IL1RAPL2: variants seen among roughly 807,000 people sequenced by gnomAD.
The protein encoded by IL1RAPL2 is X-linked interleukin-1 receptor accessory protein-like 2.
Under a neutral mutation model 44.1 loss-of-function variants are expected in IL1RAPL2, and 3 were observed. That is an observed-to-expected ratio of 0.07 (90% CI 0.03 to 0.18). IL1RAPL2 has a LOEUF of 0.18. IL1RAPL2 is among the 10% of genes least tolerant of loss of function. The probability of loss-of-function intolerance (pLI) is 1.00; values close to 1 mark genes in which losing one functional copy is unlikely to be tolerated. For missense variants in IL1RAPL2, 391 were observed against 496.4 expected (o/e 0.79, Z 2.02); for synonymous variants, 181 against 178.8 (o/e 1.01, Z -0.10).
intron 3 of IL1RAPL2, among the ~76,000 whole-genome samples, chrX:105,218,701 C>G (rs1279884530): frequency 5.5e-5 from 6 of 109,479 alleles, no homozygotes; most frequent in Non-Finnish European, 1.1e-4. Context: ...ATGTGTCTCT[C>G]TCTCCCCACC....
chrX:104,890,003 A>T (rs1201635915), intron 2 of IL1RAPL2, among the ~76,000 whole-genome samples: 8 of 110,493 alleles, frequency 7.2e-5, no homozygotes, highest in African/African-American at 2.6e-4. Context: ...CCTGTGTCCA[A>T]GTGTTCTCAA....
chrX:105,590,269 T>C (rs1337163894), intron 6 of IL1RAPL2, among the ~76,000 whole-genome samples: 1 of 111,621 alleles, frequency 9.0e-6, no homozygotes, highest in Non-Finnish European at 1.9e-5. Flanking sequence ...AAATCTAGGA[T>C]ATTTTGGGCA....
intron 6 of IL1RAPL2, among the ~76,000 whole-genome samples, chrX:105,583,826 A>C (rs892316006): frequency 8.9e-6 from 1 of 111,964 alleles, no homozygotes; most frequent in Non-Finnish European, 1.9e-5. Context: ...TCAAGATGGA[A>C]GCTTAAATCA....
intron 1 of IL1RAPL2, among the ~76,000 whole-genome samples, chrX:104,640,085 T>A: frequency 9.0e-6 from 1 of 111,432 alleles, no homozygotes; most frequent in South Asian, 3.8e-4. Context: ...TCTATCTTTC[T>A]TTTTTTTCAC....
intron 2 of IL1RAPL2, among the ~76,000 whole-genome samples, chrX:105,014,218 A>G (rs911208723): frequency 8.9e-6 from 1 of 111,957 alleles, no homozygotes; most frequent in African/African-American, 3.2e-5. Context: ...GCACATATTT[A>G]TGGAGTACAT....
chrX:104,812,280 A>G (rs1001734108), intron 2 of IL1RAPL2, among the ~76,000 whole-genome samples: 7 of 111,499 alleles, frequency 6.3e-5, no homozygotes, highest in African/African-American at 1.6e-4. Flanking sequence ...GATAGTGTCT[A>G]TATTTCTGTC....
chrX:105,065,294 T>TG (rs1405836800), intron 2 of IL1RAPL2, among the ~76,000 whole-genome samples: 1 of 111,875 alleles, frequency 8.9e-6, no homozygotes, highest in Non-Finnish European at 1.9e-5. Context: ...TCTTCTTGGA[T>TG]GGGTTTTGCT....
intron 1 of IL1RAPL2, among the ~76,000 whole-genome samples, chrX:104,637,579 T>C (rs368370428): frequency 1.2e-4 from 13 of 111,269 alleles, no homozygotes; most frequent in African/African-American, 4.2e-4. Context: ...ATTGAGATGA[T>C]TGTATGTTTT....
chrX:105,192,967 C>T (rs2033644756), intron 2 of IL1RAPL2, among the ~76,000 whole-genome samples: 1 of 111,620 alleles, frequency 9.0e-6, no homozygotes, highest in African/African-American at 3.3e-5. Flanking sequence ...TATCAGTGTA[C>T]GCTCCAGGTC....
chrX:105,543,671 CAT>C lies in IL1RAPL2; in HGVS notation c.772+59285_772+59286del, dbSNP rs780101459. 4.6e-3 allele frequency among the ~76,000 whole-genome samples: 517 copies of C among 112,256 alleles called. 2 individuals are homozygous for C. Among genetic ancestry groups the C allele is most frequent in the Non-Finnish European group, 8.3e-3 (440 of 53,232 alleles). ...AAAGAATGGGAGATTAACTTTTACA[CAT>C]GTCTATAGTTCATTTTGAGTGAATT... is the stretch of plus-strand genomic sequence containing the variant. On this transcript the variant is annotated intron_variant, in intron 6 of 10. Transcript: ENST00000372582.
At chrX:105,281,818 G>A (rs2034535071) in intron 5 of IL1RAPL2, among the ~76,000 whole-genome samples, 3 of 111,115 alleles carry the variant, frequency 2.7e-5, no homozygotes, top group African/African-American at 9.8e-5. Flanking sequence ...CCATTGTTAA[G>A]CAATTCATGA....
chrX:105,223,085 G>T (rs1246835431), intron 3 of IL1RAPL2, among the ~76,000 whole-genome samples: 1 of 109,456 alleles, frequency 9.1e-6, no homozygotes, highest in Non-Finnish European at 1.9e-5. Context: ...GGGAGGCAGA[G>T]GTTGCAGTGA....
chrX:104,832,676 G>C (rs1385969894), intron 2 of IL1RAPL2, among the ~76,000 whole-genome samples: 1 of 111,811 alleles, frequency 8.9e-6, no homozygotes, highest in African/African-American at 3.2e-5. Flanking sequence ...ATTTGAGTTT[G>C]AAATTAATTC....
intron 1 of IL1RAPL2, among the ~76,000 whole-genome samples, chrX:104,586,011 A>G (rs1928553609): frequency 2.7e-5 from 3 of 111,610 alleles, no homozygotes; most frequent in African/African-American, 9.8e-5. Context: ...GTCTTTGAGG[A>G]ATTGCCACAC....
chrX:104,705,165 AACAACC>A (rs905486791), intron 2 of IL1RAPL2, among the ~76,000 whole-genome samples: 28 of 111,921 alleles, frequency 2.5e-4, no homozygotes, highest in African/African-American at 7.4e-4. Context: ...TAACTGGCAC[AACAACC>A]ATTTGATACA....
At chrX:105,394,337 T>A (rs746308950) in intron 5 of IL1RAPL2, among the ~76,000 whole-genome samples, 6 of 112,275 alleles carry the variant, frequency 5.3e-5, no homozygotes, top group Non-Finnish European at 9.4e-5. Context: ...TGGCTCCTTA[T>A]TGCATTTTGA....
intron 2 of IL1RAPL2, among the ~76,000 whole-genome samples, chrX:104,773,961 C>T (rs934931990): frequency 8.9e-6 from 1 of 112,036 alleles, no homozygotes; most frequent in Admixed American, 9.4e-5. Flanking sequence ...TATAACTACC[C>T]GTAGTGCCAA....
intron 2 of IL1RAPL2, among the ~76,000 whole-genome samples, chrX:104,934,869 C>T (rs886747521): frequency 9.0e-5 from 10 of 111,629 alleles, no homozygotes; most frequent in South Asian, 3.7e-4. Context: ...GTAAATAATA[C>T]GAAATAACAG....
chrX:105,709,093 GC>G, intron 6 of IL1RAPL2, among the ~76,000 whole-genome samples: 1 of 112,135 alleles, frequency 8.9e-6, no homozygotes, highest in South Asian at 3.7e-4. Flanking sequence ...TCCATAGGGA[GC>G]TTTTAAAAAT....
Sources: allele counts gnomAD v4.1 joint callset (sites outside exome capture counted in the v4.1 genomes callset), GRCh38; gene constraint gnomAD v4.1.1; transcripts MANE v1.5; gene names NCBI Gene and HGNC (gene_info 2026-07-23, HGNC 2026-07-21).